Variants in ARHGEF19 observed in about 807,000 individuals in gnomAD.
ARHGEF19 encodes the protein Rho guanine nucleotide exchange factor 19.
Under a neutral mutation model 87.6 loss-of-function variants are expected in ARHGEF19, and 92 were observed. The observed-to-expected ratio is 1.05, with a 90% confidence interval of 0.89 to 1.25. The LOEUF (loss-of-function observed/expected upper bound fraction) is 1.25. Ranked by LOEUF, ARHGEF19 falls within the 50% of genes most tolerant of loss-of-function variation. The probability of loss-of-function intolerance (pLI) is 0.00; values close to 1 mark genes in which losing one functional copy is unlikely to be tolerated. For missense variants in ARHGEF19, 1,054 were observed against 1,051.8 expected, an observed-to-expected ratio of 1.00 and a Z score of -0.03; for synonymous variants, 438 against 446.2, an observed-to-expected ratio of 0.98 and a Z score of 0.23.
At chr1:16,199,953 C>A (rs571984165) in intron 14 of ARHGEF19, among the ~76,000 whole-genome samples, 2 of 152,336 alleles carry the variant, frequency 1.3e-5, no homozygotes, top group Admixed American at 6.5e-5. Context: ...TGCCCCAGGG[C>A]CTTTGTGCTG....
Position 16,205,257 on chromosome 1 carries a change from C to T in ARHGEF19, c.1657-81G>A, listed in dbSNP as rs867386373. ...CAGCCTCAGACTCTTGCCTGGGGACCGGAGACTCTGACAGCTGGGGGCTGT... is the reference window on the plus strand; with the variant it reads ...CAGCCTCAGACTCTTGCCTGGGGACTGGAGACTCTGACAGCTGGGGGCTGT... On this transcript the variant is annotated intron_variant, in intron 10 of 15. Transcript: ENST00000270747. This position sits in a 1 kb window ranked among gnomAD's most constrained non-coding sequence, Gnocchi z 5.8. The T allele has an allele frequency of 2.7e-5, 44 of 1,601,164 alleles. No individual in the cohort carries two copies. Among genetic ancestry groups the T allele is most frequent in the African/African-American group, 1.5e-4 (11 of 74,632 alleles).
chr1:16,199,740 A>T (rs990255602), intron 14 of ARHGEF19, among the ~76,000 whole-genome samples: 3 of 152,076 alleles, frequency 2.0e-5, no homozygotes, highest in Non-Finnish European at 4.4e-5. Flanking sequence ...TTAGAATAAA[A>T]TCCAAAGTCC....
chr1:16,210,709 G>A (rs1382520852), intron 1 of ARHGEF19, among the ~76,000 whole-genome samples: 1 of 152,222 alleles, frequency 6.6e-6, no homozygotes, highest in East Asian at 1.9e-4. Context: ...GTTGGCAAGA[G>A]CCAAGCCAGA....
intron 13 of ARHGEF19, 71 bp downstream of exon 13, chr1:16,202,345 C>CCCG (rs1557538486): frequency 3.6e-6 from 3 of 822,788 alleles, no homozygotes; most frequent in Admixed American, 6.0e-5. Flanking sequence ...GGACGGGGTG[C>CCCG]CCATCATGGG....
At position 16,207,878 on chromosome 1, in the gene ARHGEF19, G is replaced by A. The variant is rs1569716161; in HGVS notation, c.694+66C>T. ...ACGGCCTCAGGCGGCCGGTGAGTGGGCATCGCCCACCCCCACCCCCACCCG... is the reference window on the plus strand; with the variant it reads ...ACGGCCTCAGGCGGCCGGTGAGTGGACATCGCCCACCCCCACCCCCACCCG... On this transcript the variant is annotated intron_variant, in intron 3 of 15. Transcript: ENST00000270747. This position sits in a 1 kb window ranked among gnomAD's most constrained non-coding sequence, Gnocchi z 4.0. 1.9e-6 allele frequency: 3 copies of A among 1,583,644 alleles called. No homozygotes were observed. Among genetic ancestry groups the A allele is most frequent in the East Asian group, 2.3e-5 (1 of 44,414 alleles).
In ARHGEF19 at chr1:16,205,514, C is replaced by T; in HGVS notation, c.1581+24G>A. On this transcript the variant is annotated intron_variant, in intron 9 of 15. Coordinates refer to ENST00000270747, the MANE Select transcript of ARHGEF19 (RefSeq NM_153213.5). This position sits in a 1 kb window ranked among gnomAD's most constrained non-coding sequence, Gnocchi z 5.8. ...GTGTATCTCCCTCGCCCAGCCCTCACTGTGGCCTGTCCCCTCGAGGTACCT... is the reference window on the plus strand; with the variant it reads ...GTGTATCTCCCTCGCCCAGCCCTCATTGTGGCCTGTCCCCTCGAGGTACCT... 2 of 1,613,918 alleles carry T rather than the reference C, an allele frequency of 1.2e-6. No individual in the cohort carries two copies. The highest frequency in any genetic ancestry group is 2.2e-5 in the East Asian group (1 of 44,862).
Position 16,209,045 on chromosome 1 carries a change from C to G in ARHGEF19, c.10G>C (p.Gly4Arg). The G allele has an allele frequency of 6.7e-7, 1 of 1,486,862 alleles. No individual in the cohort carries two copies. Among genetic ancestry groups the G allele is most frequent in the Non-Finnish European group, 8.9e-7 (1 of 1,119,858 alleles). The allele number at this position is 1,486,862 out of a possible 1,614,324, so 92.1% of individuals were successfully genotyped here. Reference protein sequence around the residue: MDCGPPATLQPHLT... With the variant: MDCRPPATLQPHLT... ...TGGGGCTGGAGGGTAGCAGGTGGCC[C>G]ACAGTCCATTCCTCTTTTGCTCTGC... Residue 4 changes from glycine (G) to arginine (R), a missense_variant, in exon 2 of 16, where the codon GGG becomes CGG. Physicochemically the swap from Gly to Arg is moderately radical, Grantham distance 125. Coordinates refer to ENST00000270747, the MANE Select transcript of ARHGEF19 (RefSeq NM_153213.5).
Position 16,206,985 on chromosome 1 carries a change from AG to A in ARHGEF19, c.1099del (p.Leu367TrpfsTer4), listed in dbSNP as rs1329049346. On this transcript the variant is annotated frameshift_variant, in exon 6 of 16. Coordinates refer to ENST00000270747, the MANE Select transcript of ARHGEF19 (RefSeq NM_153213.5). LOFTEE classifies it high-confidence loss of function. This position sits in a 1 kb window ranked among gnomAD's most constrained non-coding sequence, Gnocchi z 4.6. Reference protein sequence around the residue: ...DIPDVRGSGVLATLSLRDCKL... With the variant: ...DIPDVRGSGVXATLSLRDCKL... Reference sequence around the variant, plus strand: ...GCAGTCCCGCAGGCTCAGCGTGGCCAGGACGCCGCTGCCGCGTACGTCGGGG... The same window carrying A: ...GCAGTCCCGCAGGCTCAGCGTGGCCAGACGCCGCTGCCGCGTACGTCGGGG... The A allele has an allele frequency of 6.6e-7, 1 of 1,508,738 alleles. No individual in the cohort carries two copies. Among genetic ancestry groups the A allele is most frequent in the Non-Finnish European group, 8.8e-7 (1 of 1,133,394 alleles). 93.5% of individuals were successfully genotyped at this position (1,508,738 alleles called of 1,614,324 possible).
rs1425213841 is a variant in ARHGEF19 at position 16,199,266 on chromosome 1, A to G, written c.2147-12T>C. 4.3e-6 allele frequency: 7 copies of G among 1,612,568 alleles called. No individual in the cohort carries two copies. The highest frequency in any genetic ancestry group is 1.7e-5 in the Admixed American group (1 of 59,972). ...AACCTGGGGGCAATCTGACAGCCCA[A>G]GGGAGGCTCAGGGAGTCCCAAGGGC... On this transcript the variant is annotated splice_polypyrimidine_tract_variant and intron_variant, in intron 14 of 15. Transcript: ENST00000270747.
At chr1:16,200,641 G>A (rs1246622450) in intron 14 of ARHGEF19, among the ~76,000 whole-genome samples, 3 of 152,232 alleles carry the variant, frequency 2.0e-5, no homozygotes, top group African/African-American at 7.2e-5. Context: ...CTACTTGGGA[G>A]GCTGAGGCAG....
intron 1 of ARHGEF19, among the ~76,000 whole-genome samples, chr1:16,209,663 A>G (rs922564983): frequency 3.3e-5 from 5 of 152,168 alleles, no homozygotes; most frequent in Non-Finnish European, 7.4e-5. Flanking sequence ...ACTCCTCACA[A>G]ACACGCTGAC....
At position 16,207,343 on chromosome 1, in the gene ARHGEF19, C is replaced by A. The variant is rs916125047; in HGVS notation, c.875-133G>T. ...GATATCTGGACACAGTGAATTCATT[C>A]ATTCATTCATTCATTCCATAAACAA... On this transcript the variant is annotated intron_variant, in intron 5 of 15. Coordinates refer to ENST00000270747, the MANE Select transcript of ARHGEF19 (RefSeq NM_153213.5). The surrounding 1 kb of genome is among the most constrained non-coding windows in gnomAD (Gnocchi z 4.0). The A allele has an allele frequency of 1.6e-6, 2 of 1,249,226 alleles. No homozygotes were observed. Among genetic ancestry groups the A allele is most frequent in the African/African-American group, 3.0e-5 (2 of 66,144 alleles). 77.4% of individuals were successfully genotyped at this position (1,249,226 alleles called of 1,614,324 possible). A position where few individuals can be genotyped will look rare whatever the true frequency, so the allele number is the denominator to read the frequency against.
At chr1:16,202,790 A>G (rs1270899326) in intron 12 of ARHGEF19, among the ~76,000 whole-genome samples, 1 of 152,170 alleles carries the variant, frequency 6.6e-6, no homozygotes, top group Non-Finnish European at 1.5e-5. Flanking sequence ...GCTGGAGGTG[A>G]TGGAGACCAG....
Position 16,198,701 on chromosome 1 carries a change from C to A in ARHGEF19, c.2295G>T (p.Trp765Cys). The part of the protein sequence containing the change: ...GVRLADGEKG[W>C]VPQAYVEEIS... ...TCTCTTCCACATAGGCCTGGGGCAC[C>A]CACCCCTTCTCACCATCTGCCAGGC... Residue 765 changes from tryptophan to cysteine, a missense_variant, in exon 16 of 16, where the codon TGG (tryptophan) becomes TGT (cysteine). Physicochemically the swap from Trp to Cys is radical, Grantham distance 215. Coordinates refer to ENST00000270747, the MANE Select transcript of ARHGEF19 (RefSeq NM_153213.5). The surrounding 1 kb of genome is among the most constrained non-coding windows in gnomAD (Gnocchi z 4.1). 1.2e-6 allele frequency: 2 copies of A among 1,612,488 alleles called. No homozygotes were observed. Among genetic ancestry groups the A allele is most frequent in the Non-Finnish European group, 1.7e-6 (2 of 1,178,920 alleles).
Position 16,206,266 on chromosome 1 carries a change from G to A in ARHGEF19, c.1212C>T (p.Gly404=), listed in dbSNP as rs1265458688. 2 of 1,589,350 alleles carry A rather than the reference G, an allele frequency of 1.3e-6. No individual in the cohort carries two copies. The highest frequency in any genetic ancestry group is 1.1e-5 in the South Asian group (1 of 87,142). ...SLSVAVGHFL[G]SAELSECLGA... Reference sequence around the variant, plus strand: ...CCAGACACTCGCTCAGCTCGGCAGAGCCTAAGAAGTGGCCCACAGCCACCG... The same window carrying A: ...CCAGACACTCGCTCAGCTCGGCAGAACCTAAGAAGTGGCCCACAGCCACCG... The change falls in exon 7 of 16, where the codon GGC becomes GGT. Residue 404 remains glycine, a synonymous_variant. Transcript: ENST00000270747. The surrounding 1 kb of genome is among the most constrained non-coding windows in gnomAD (Gnocchi z 4.6).
chr1:16,208,630 C>T lies in ARHGEF19; in HGVS notation c.412+13G>A. ...CCATGGCACCCACACCCGCCTTCCC[C>T]AGGGTGACTCACAGGCAGACTTCTT... is the stretch of plus-strand genomic sequence containing the variant. On this transcript the variant is annotated intron_variant, in intron 2 of 15. Coordinates refer to ENST00000270747, the MANE Select transcript of ARHGEF19 (RefSeq NM_153213.5). The T allele has an allele frequency of 6.3e-7, 1 of 1,593,836 alleles. No individual in the cohort carries two copies. Among genetic ancestry groups the T allele is most frequent in the Non-Finnish European group, 8.5e-7 (1 of 1,173,672 alleles).
At chr1:16,201,950 A>G (rs2081086714) in intron 13 of ARHGEF19, 89 bp from the exon 14 acceptor site, 2 of 1,391,110 alleles carry the variant, frequency 1.4e-6, no homozygotes, top group African/African-American at 1.4e-5. Context: ...GGAGCCAGAC[A>G]TGATGTCCAG....
rs771051102 is a variant in ARHGEF19, at chr1:16,205,490, T to C, written c.1581+48A>G. 2.6e-5 allele frequency: 42 copies of C among 1,612,630 alleles called. No individual in the cohort carries two copies. The highest frequency in any genetic ancestry group is 4.0e-5 in the African/African-American group (3 of 74,746). ...TCCCGAGACCCGGCCCGCCCACAGG[T>C]GTATCTCCCTCGCCCAGCCCTCACT... On this transcript the variant is annotated intron_variant, in intron 9 of 15. Coordinates refer to ENST00000270747, the MANE Select transcript of ARHGEF19 (RefSeq NM_153213.5). The surrounding 1 kb of genome is among the most constrained non-coding windows in gnomAD (Gnocchi z 5.8).
In ARHGEF19 at chr1:16,207,612, A is replaced by G; in HGVS notation, c.798-14T>C. 1 of 1,613,894 alleles carries G rather than the reference A, an allele frequency of 6.2e-7. No individual in the cohort carries two copies. Among genetic ancestry groups the G allele is most frequent in the Non-Finnish European group, 8.5e-7 (1 of 1,179,970 alleles). ...TGTGTGTCTAGCCTAGGAAAGAGAG[A>G]GCGTCACGGCCCTAGTTCGCCTGCA... On this transcript the variant is annotated splice_polypyrimidine_tract_variant and intron_variant, in intron 4 of 15. Coordinates refer to ENST00000270747, the MANE Select transcript of ARHGEF19 (RefSeq NM_153213.5). The surrounding 1 kb of genome is among the most constrained non-coding windows in gnomAD (Gnocchi z 4.0).
Sources: gnomAD v4.1 joint callset for allele counts (sites outside exome capture counted in the v4.1 genomes callset) on GRCh38, gnomAD v4.1.1 for gene constraint, Gnocchi (gnomAD v3.1) non-coding constraint, MANE v1.5 for transcripts, NCBI Gene and HGNC (gene_info 2026-07-23, HGNC 2026-07-21) for gene names.